The following WWC2 variants were observed in gnomAD, a reference collection of about 807,000 sequenced individuals.
The protein encoded by WWC2 is protein WWC2.
In WWC2, 101 loss-of-function variants were observed where a neutral mutation model predicts 138.5. That is an observed-to-expected ratio of 0.73 (90% confidence interval 0.62 to 0.86). WWC2 has a LOEUF of 0.86. Among genes scored for constraint, WWC2 ranks in the 40% least tolerant of loss-of-function variants. The pLI is 0.00. For synonymous variants in WWC2, 558 were observed against 538.4 expected (o/e 1.04, Z -0.50); for missense variants, 1,420 against 1,419.4 (o/e 1.00, Z -0.01).
Position 183,305,087 on chromosome 4 carries a change from G to A in WWC2, c.3385-7254G>A, listed in dbSNP as rs535850621. 9.9e-5 allele frequency among the ~76,000 whole-genome samples: 15 copies of A among 152,270 alleles called. No homozygotes were observed. The South Asian group carries it at 3.1e-3, about 32-fold the overall frequency. On this transcript the variant is annotated intron_variant, in intron 21 of 22. Transcript: ENST00000403733. ...GCAAGAATCAAAAAGAAGTCCTAGA[G>A]ATCAAAAACACTGTAACAGACATGA...
chr4:183,225,885 G>A (rs1682849215), intron 4 of WWC2, among the ~76,000 whole-genome samples: 1 of 152,106 alleles, frequency 6.6e-6, no homozygotes, highest in African/African-American at 2.4e-5. Context: ...TCTAATGGTT[G>A]TATGTGGAGC....
At chr4:183,264,077 T>C (rs953668983) in intron 11 of WWC2, among the ~76,000 whole-genome samples, 14 of 152,118 alleles carry the variant, frequency 9.2e-5, no homozygotes, top group African/African-American at 3.4e-4. Context: ...ACCTTCACCC[T>C]TCACAAAGGG....
Position 183,130,835 on chromosome 4 carries a change from G to T in WWC2, c.131+31213G>T, listed in dbSNP as rs184876252. 3.7e-3 allele frequency among the ~76,000 whole-genome samples: 568 copies of T among 152,214 alleles called. 2 individuals are homozygous for T. Among genetic ancestry groups the T allele is most frequent in the African/African-American group, 0.013 (534 of 41,526 alleles). ...CAAATACACACTCTAGTCACATTGG[G>T]CATTCTCCTCTACCTCCTGAAAAAA... On this transcript the variant is annotated intron_variant, in intron 1 of 22. Coordinates refer to ENST00000403733, the MANE Select transcript of WWC2 (RefSeq NM_024949.6).
chr4:183,141,515 C>A (rs546731160), intron 1 of WWC2, among the ~76,000 whole-genome samples: 3 of 152,282 alleles, frequency 2.0e-5, no homozygotes, highest in African/African-American at 7.2e-5. Flanking sequence ...CCTACTACCA[C>A]CCCAGGAGGC....
intron 1 of WWC2, among the ~76,000 whole-genome samples, chr4:183,169,461 A>AG (rs1734218387): frequency 1.3e-5 from 2 of 151,926 alleles, no homozygotes; most frequent in Non-Finnish European, 2.9e-5. Flanking sequence ...TTTTCATAGA[A>AG]GTGGAGTCTC....
chr4:183,228,986 A>G (rs1736158799), intron 4 of WWC2, among the ~76,000 whole-genome samples: 1 of 152,068 alleles, frequency 6.6e-6, no homozygotes, highest in Admixed American at 6.5e-5. Flanking sequence ...GAGTCCACTT[A>G]TATTAAGTTC....
intron 1 of WWC2, among the ~76,000 whole-genome samples, chr4:183,143,131 TTA>T (rs1171914337): frequency 1.3e-5 from 2 of 152,200 alleles, no homozygotes; most frequent in East Asian, 1.9e-4. Context: ...TCTTTTTAAA[TTA>T]TGTTTTATTG....
intron 4 of WWC2, among the ~76,000 whole-genome samples, chr4:183,234,567 C>G (rs530490913): frequency 2.0e-5 from 3 of 152,136 alleles, no homozygotes; most frequent in Non-Finnish European, 4.4e-5. Context: ...CCATTAATAA[C>G]AAAACTTTTT....
intron 1 of WWC2, among the ~76,000 whole-genome samples, chr4:183,185,431 T>C (rs1405290127): frequency 6.6e-6 from 1 of 152,216 alleles, no homozygotes; most frequent in African/African-American, 2.4e-5. Flanking sequence ...TAGAAATTGC[T>C]ATTTGGTTTA....
At position 183,115,817 on chromosome 4, in the gene WWC2, T is replaced by C. The variant is rs976680946; in HGVS notation, c.131+16195T>C. Among the ~76,000 whole-genome samples, 5 of 152,232 alleles carry C rather than the reference T, an allele frequency of 3.3e-5. No individual in the cohort carries two copies. In the East Asian group the frequency reaches 9.6e-4, roughly 29 times the overall value. ...TAGGTTACTCTGTTGATAGTTTCTT[T>C]TGCTGTGCAGAAGCTCTTTAGTTTA... On this transcript the variant is annotated intron_variant, in intron 1 of 22. Coordinates refer to ENST00000403733, the MANE Select transcript of WWC2 (RefSeq NM_024949.6).
chr4:183,285,454 A>G (rs1421203430), intron 19 of WWC2, among the ~76,000 whole-genome samples: 5 of 152,212 alleles, frequency 3.3e-5, no homozygotes, highest in Admixed American at 3.3e-4. Flanking sequence ...AATAGCCACT[A>G]CCAAAAGGCA....
intron 1 of WWC2, among the ~76,000 whole-genome samples, chr4:183,129,613 T>A (rs184363207): frequency 2.6e-5 from 4 of 152,220 alleles, no homozygotes; most frequent in Admixed American, 6.5e-5. Flanking sequence ...ATGTTTCTTA[T>A]CACTGTTGAT....
chr4:183,158,304 T>A (rs1225309288), intron 1 of WWC2, among the ~76,000 whole-genome samples: 1 of 152,158 alleles, frequency 6.6e-6, no homozygotes, highest in African/African-American at 2.4e-5. Context: ...TTTGTAGGGC[T>A]GCCATAACAA....
At chr4:183,315,641 T>G in intron 22 of WWC2, 22 bp from the exon 23 acceptor site, 1 of 1,602,970 alleles carries the variant, frequency 6.2e-7, no homozygotes, top group South Asian at 1.1e-5. Context: ...ATAAGTCAAT[T>G]TATTTCTCAC....
At chr4:183,102,457 ACTG>A (rs1382295435) in intron 1 of WWC2, among the ~76,000 whole-genome samples, 1 of 152,208 alleles carries the variant, frequency 6.6e-6, no homozygotes, top group African/African-American at 2.4e-5. Context: ...GGTAGGTACT[ACTG>A]TCATCTTCCA....
intron 1 of WWC2, among the ~76,000 whole-genome samples, chr4:183,120,992 A>G (rs1274364364): frequency 6.6e-6 from 1 of 152,178 alleles, no homozygotes; most frequent in Non-Finnish European, 1.5e-5. Flanking sequence ...GGAGGCCGGC[A>G]GATCACTTGA....
At chr4:183,146,331 G>A (rs1402258399) in intron 1 of WWC2, among the ~76,000 whole-genome samples, 1 of 151,818 alleles carries the variant, frequency 6.6e-6, no homozygotes, top group Non-Finnish European at 1.5e-5. Flanking sequence ...CTATTCCAGA[G>A]AAAAAAAAGA....
At chr4:183,177,720 C>T (rs557345687) in intron 1 of WWC2, among the ~76,000 whole-genome samples, 1 of 152,102 alleles carries the variant, frequency 6.6e-6, no homozygotes, top group East Asian at 1.9e-4. Flanking sequence ...TATAAATAGT[C>T]ATCTTTGAAA....
chr4:183,235,658 C>T (rs1736400003), intron 4 of WWC2, among the ~76,000 whole-genome samples: 1 of 152,160 alleles, frequency 6.6e-6, no homozygotes, highest in South Asian at 2.1e-4. Flanking sequence ...TCACATATTG[C>T]AGCCTTTCCT....
Sources: gnomAD v4.1 joint callset for allele counts (sites outside exome capture counted in the v4.1 genomes callset) on GRCh38, gnomAD v4.1.1 for gene constraint, MANE v1.5 for transcripts, NCBI Gene and HGNC (gene_info 2026-07-23, HGNC 2026-07-21) for gene names.